Variants in CDC27 observed in about 807,000 individuals in gnomAD.
CDC27 encodes cell division cycle 27, also known as cell division cycle protein 27 homolog.
Under a neutral mutation model 109.7 loss-of-function variants are expected in CDC27, and 27 were observed. The observed-to-expected ratio is 0.25, with a 90% CI of 0.18 to 0.34. CDC27 has a LOEUF of 0.34. Ranked by LOEUF, CDC27 falls within the 10% of genes least tolerant of loss-of-function variation. CDC27 has a pLI of 1.00. For synonymous variants in CDC27, 266 were observed against 333.9 expected, an observed-to-expected ratio of 0.80 and a Z score of 2.22; for missense variants, 579 against 960.2, an observed-to-expected ratio of 0.60 and a Z score of 5.25.
At chr17:47,179,627 ATT>A (rs1317417460) in intron 2 of CDC27, among the ~76,000 whole-genome samples, 1 of 152,226 alleles carries the variant, frequency 6.6e-6, no homozygotes, top group Non-Finnish European at 1.5e-5. Flanking sequence ...TGATAGAATT[ATT>A]GTTATTATTA....
At chr17:47,186,107 C>T (rs1255281910) in intron 1 of CDC27, among the ~76,000 whole-genome samples, 1 of 152,220 alleles carries the variant, frequency 6.6e-6, no homozygotes, top group African/African-American at 2.4e-5. Flanking sequence ...GTCTGTATGT[C>T]TAACTCTTGT....
At chr17:47,140,142 C>T (rs970396821) in intron 12 of CDC27, among the ~76,000 whole-genome samples, 5 of 152,206 alleles carry the variant, frequency 3.3e-5, no homozygotes, top group East Asian at 1.9e-4. Context: ...AATAGCTTAA[C>T]GATTTGTAAC....
rs2061969497 is a variant in CDC27, at chr17:47,121,021, TA to T, written c.2393-5del. On this transcript the variant is annotated splice_polypyrimidine_tract_variant and splice_region_variant and intron_variant, in intron 18 of 18. Coordinates refer to ENST00000066544, the MANE Select transcript of CDC27 (RefSeq NM_001256.6). ...TCCTGGGATTCATCTGTTCCCACTT[TA>T]AAAATAAAACAGAAGTCCACAGTAA... The T allele has an allele frequency of 1.9e-6, 3 of 1,602,604 alleles. No individual in the cohort carries two copies. The highest frequency in any genetic ancestry group is 2.6e-6 in the Non-Finnish European group (3 of 1,171,448).
At chr17:47,174,962 T>A (rs2063938960) in intron 2 of CDC27, among the ~76,000 whole-genome samples, 1 of 133,296 alleles carries the variant, frequency 7.5e-6, no homozygotes, top group South Asian at 2.4e-4. Flanking sequence ...GAAACAGGAC[T>A]ATCGAAACAG....
chr17:47,139,328 G>A (rs1202091493), intron 12 of CDC27, among the ~76,000 whole-genome samples: 3 of 148,920 alleles, frequency 2.0e-5, no homozygotes, highest in East Asian at 4.0e-4. Context: ...GTGCAGTGGC[G>A]CAATCTCGGC....
At chr17:47,123,793 A>G (rs758356079) in intron 17 of CDC27, 93 bp downstream of exon 17, 1 of 815,830 alleles carries the variant, frequency 1.2e-6, no homozygotes, top group Non-Finnish European at 1.8e-6. Flanking sequence ...AATTTGCTCA[A>G]TAGATATGTA....
rs532261019 is a variant in CDC27 at position 47,178,946 on chromosome 17, G to T, written c.103+2616C>A. 2.6e-5 allele frequency among the ~76,000 whole-genome samples: 4 copies of T among 152,256 alleles called. No homozygotes were observed. The East Asian group carries it at 7.7e-4, about 29-fold the overall frequency. On this transcript the variant is annotated intron_variant, in intron 2 of 18. Coordinates refer to ENST00000066544, the MANE Select transcript of CDC27 (RefSeq NM_001256.6). ...GCCTCCTGGGTGGCTGGGATTACAG[G>T]CATGTGCCACTACACCGGCTAATTT...
At chr17:47,181,779 A>C (rs2064249589) in intron 1 of CDC27, 142 bp from the exon 2 acceptor site, 2 of 492,758 alleles carry the variant, frequency 4.1e-6, no homozygotes, top group South Asian at 3.0e-5. Context: ...AGCAAACTCC[A>C]GAGTGTGCCG....
chr17:47,130,746 G>A (rs548535562), intron 15 of CDC27, among the ~76,000 whole-genome samples: 27 of 151,750 alleles, frequency 1.8e-4, no homozygotes, highest in Non-Finnish European at 3.7e-4. Flanking sequence ...GCGTGGTGTC[G>A]GGCACCTGTA....
At chr17:47,131,467 C>T (rs1365235033) in intron 15 of CDC27, among the ~76,000 whole-genome samples, 1 of 151,956 alleles carries the variant, frequency 6.6e-6, no homozygotes, top group Non-Finnish European at 1.5e-5. Context: ...TAACAATTTC[C>T]TCACATTGTA....
intron 10 of CDC27, 131 bp downstream of exon 10, chr17:47,143,752 C>T (rs1786449384): frequency 3.0e-6 from 1 of 332,686 alleles, no homozygotes; most frequent in African/African-American, 2.1e-5. Context: ...ATAGATGGCC[C>T]TCTAAATTAA....
chr17:47,180,145 A>G (rs1187103738), intron 2 of CDC27, among the ~76,000 whole-genome samples: 1 of 152,196 alleles, frequency 6.6e-6, no homozygotes, highest in Non-Finnish European at 1.5e-5. Flanking sequence ...ATTTTTAAAA[A>G]TACAGCAAAA....
chr17:47,187,340 G>A (rs182419868), intron 1 of CDC27, among the ~76,000 whole-genome samples: 6 of 151,646 alleles, frequency 4.0e-5, no homozygotes, highest in East Asian at 1.9e-4. Flanking sequence ...TCACTCTGTC[G>A]CCCAGGCTGG....
At chr17:47,171,606 T>G (rs1004486797) in intron 3 of CDC27, among the ~76,000 whole-genome samples, 3 of 152,130 alleles carry the variant, frequency 2.0e-5, no homozygotes, top group African/African-American at 7.2e-5. Context: ...GCTGGTGGGT[T>G]TTCAGGCTTA....
Position 47,153,226 on chromosome 17 carries a change from G to T in CDC27, c.958-1308C>A, listed in dbSNP as rs538701837. On this transcript the variant is annotated intron_variant, in intron 8 of 18. Coordinates refer to ENST00000066544, the MANE Select transcript of CDC27 (RefSeq NM_001256.6). ...TGCGTGACTTTTCTGGGAATGTCTT[G>T]TAATAAGGTAAGAGGAGAACAGAGG... 1.3e-4 allele frequency among the ~76,000 whole-genome samples: 20 copies of T among 152,322 alleles called. No individual in the cohort carries two copies. The South Asian group carries it at 3.7e-3, about 28-fold the overall frequency.
chr17:47,136,820 T>C (rs547627730), intron 14 of CDC27, among the ~76,000 whole-genome samples: 4 of 152,264 alleles, frequency 2.6e-5, no homozygotes, highest in South Asian at 4.1e-4. Context: ...GCACTTTTCA[T>C]CCCAATCACC....
intron 15 of CDC27, among the ~76,000 whole-genome samples, chr17:47,130,773 A>G (rs1348135084): frequency 6.6e-6 from 1 of 151,856 alleles, no homozygotes; most frequent in Admixed American, 6.6e-5. Context: ...GCTACTCAGG[A>G]GGCTGAGGCA....
At chr17:47,151,466 T>A (rs2063148337) in intron 9 of CDC27, among the ~76,000 whole-genome samples, 1 of 152,266 alleles carries the variant, frequency 6.6e-6, no homozygotes, top group Non-Finnish European at 1.5e-5. Context: ...GTTATTTTTA[T>A]AATCTGTTTA....
At chr17:47,187,783 T>C (rs1176795403) in intron 1 of CDC27, among the ~76,000 whole-genome samples, 1 of 151,590 alleles carries the variant, frequency 6.6e-6, no homozygotes, top group Non-Finnish European at 1.5e-5. Flanking sequence ...GTAATCTGCT[T>C]ATCTATTTAA....
Sources: gnomAD v4.1 joint callset for allele counts (sites outside exome capture counted in the v4.1 genomes callset) on GRCh38, gnomAD v4.1.1 for gene constraint, MANE v1.5 for transcripts, NCBI Gene and HGNC (gene_info 2026-07-23, HGNC 2026-07-21) for gene names.